Variants in MRAP2 observed in about 807,000 individuals in gnomAD.
MRAP2 encodes melanocortin 2 receptor accessory protein 2, also known as melanocortin-2 receptor accessory protein 2.
Under a neutral mutation model 17.4 loss-of-function variants are expected in MRAP2, and 20 were observed. The observed-to-expected ratio is 1.15, with a 90% CI of 0.81 to 1.67. The LOEUF (loss-of-function observed/expected upper bound fraction) is 1.67. Among genes scored for constraint, MRAP2 ranks in the 40% most tolerant of loss-of-function variants. The probability of loss-of-function intolerance (pLI) is 0.00; values close to 1 mark genes in which losing one functional copy is unlikely to be tolerated. For missense variants in MRAP2, 238 were observed against 240.0 expected (o/e 0.99, Z 0.05); for synonymous variants, 96 against 88.4 (o/e 1.09, Z -0.48).
chr6:84,107,388 TCA>T, the MRAP2 span, among the ~76,000 whole-genome samples: 2 of 152,178 alleles, frequency 1.3e-5, no homozygotes, highest in African/African-American at 2.4e-5. Context: ...CCTAGAAATT[TCA>T]GTGAGGTAGA....
At chr6:84,129,536 T>A in the MRAP2 span, among the ~76,000 whole-genome samples, 1 of 152,182 alleles carries the variant, frequency 6.6e-6, no homozygotes. Flanking sequence ...TGGGGATGTT[T>A]TTTTTCTTGT....
intron 1 of MRAP2, among the ~76,000 whole-genome samples, chr6:84,051,397 A>T (rs2099490372): frequency 6.6e-6 from 1 of 152,200 alleles, no homozygotes; most frequent in Admixed American, 6.5e-5. Flanking sequence ...TCTACACCAA[A>T]AATACAAAAA....
chr6:84,048,261 C>T lies in MRAP2; in HGVS notation c.-7-7051C>T, dbSNP rs187376957. 4.1e-3 allele frequency among the ~76,000 whole-genome samples: 632 copies of T among 152,292 alleles called. 3 individuals are homozygous for T. The highest frequency in any genetic ancestry group is 5.6e-3 in the Non-Finnish European group (381 of 68,036). ...GCAGTGCACAAGGGTTCCAGTTTCTCTATACCCTCACCAACACTTATTTTC... is the reference window on the plus strand; with the variant it reads ...GCAGTGCACAAGGGTTCCAGTTTCTTTATACCCTCACCAACACTTATTTTC... On this transcript the variant is annotated intron_variant, in intron 1 of 3. Coordinates refer to ENST00000257776, the MANE Select transcript of MRAP2 (RefSeq NM_138409.4).
chr6:84,073,340 A>G (rs1397247357), intron 3 of MRAP2, among the ~76,000 whole-genome samples: 1 of 152,202 alleles, frequency 6.6e-6, no homozygotes, highest in African/African-American at 2.4e-5. Flanking sequence ...TTCTCCCACA[A>G]AGAGACTTTC....
chr6:84,066,765 C>A (rs564719774), intron 3 of MRAP2, among the ~76,000 whole-genome samples: 5 of 152,188 alleles, frequency 3.3e-5, no homozygotes, highest in Non-Finnish European at 5.9e-5. Context: ...AGAGTCAAAC[C>A]TCAAACTAAA....
the MRAP2 span, among the ~76,000 whole-genome samples, chr6:84,129,135 A>G: frequency 0.087 from 13,187 of 152,198 alleles, 1,471 homozygotes; most frequent in African/African-American, 0.26. Context: ...TATTGTGAAT[A>G]GTGCCACAAT....
intron 1 of MRAP2, among the ~76,000 whole-genome samples, chr6:84,034,205 A>G (rs1309242833): frequency 2.0e-5 from 3 of 151,966 alleles, no homozygotes; most frequent in Admixed American, 1.3e-4. Flanking sequence ...GCTGGGCCCC[A>G]GCGGCCGAGG....
In MRAP2 at chr6:84,072,999, C is replaced by G. The variant is rs544812994; in HGVS notation, c.227+10007C>G. Among the ~76,000 whole-genome samples the G allele has an allele frequency of 2.6e-5, 4 of 152,300 alleles. No individual in the cohort carries two copies. In the East Asian group the frequency reaches 5.8e-4, roughly 22 times the overall value. ...TTGAGAACTTGCCCCAGGCTACCCT[C>G]CCCGCAGCTGCAAAAGAAAAGGGCT... On this transcript the variant is annotated intron_variant, in intron 3 of 3. Transcript: ENST00000257776.
chr6:84,136,413 C>T, the MRAP2 span, among the ~76,000 whole-genome samples: 8 of 152,282 alleles, frequency 5.3e-5, no homozygotes, highest in South Asian at 1.0e-3. Context: ...GGAATGAGAA[C>T]CACTGAACTT....
the MRAP2 span, among the ~76,000 whole-genome samples, chr6:84,113,014 A>G: frequency 6.6e-6 from 1 of 152,136 alleles, no homozygotes; most frequent in East Asian, 1.9e-4. Context: ...TTTACTTCCA[A>G]TTATGTGGTC....
At chr6:84,097,106 G>A in the MRAP2 span, among the ~76,000 whole-genome samples, 1 of 152,150 alleles carries the variant, frequency 6.6e-6, no homozygotes, top group Non-Finnish European at 1.5e-5. Flanking sequence ...CCCATTTCAT[G>A]CAGTGAAAAA....
chr6:84,095,435 A>C (rs1484042890), downstream of MRAP2, among the ~76,000 whole-genome samples: 1 of 152,208 alleles, frequency 6.6e-6, no homozygotes, highest in Non-Finnish European at 1.5e-5. Flanking sequence ...ATGATCAAAG[A>C]GTATATTGCA....
At chr6:84,043,273 T>C (rs1450879503) in intron 1 of MRAP2, among the ~76,000 whole-genome samples, 1 of 152,222 alleles carries the variant, frequency 6.6e-6, no homozygotes, top group Non-Finnish European at 1.5e-5. Context: ...GTATGAGGAC[T>C]CAGTGAGAGG....
At chr6:84,035,105 G>A (rs748252274) in intron 1 of MRAP2, among the ~76,000 whole-genome samples, 58 of 152,180 alleles carry the variant, frequency 3.8e-4, no homozygotes, top group Non-Finnish European at 6.8e-4. Flanking sequence ...ATAGGAAAAG[G>A]AAGAGTTGCT....
At chr6:84,063,636 TG>T (rs2129167821) in intron 3 of MRAP2, among the ~76,000 whole-genome samples, 1 of 152,346 alleles carries the variant, frequency 6.6e-6, no homozygotes, top group Admixed American at 6.5e-5. Context: ...AGTAATGGCT[TG>T]TAAAAAATTC....
At chr6:84,096,617 T>C in the MRAP2 span, among the ~76,000 whole-genome samples, 2 of 152,198 alleles carry the variant, frequency 1.3e-5, no homozygotes, top group Admixed American at 1.3e-4. Context: ...CCTGAAAAGA[T>C]TTATTGTAGG....
At chr6:84,114,201 A>T in the MRAP2 span, among the ~76,000 whole-genome samples, 2 of 151,792 alleles carry the variant, frequency 1.3e-5, no homozygotes, top group Non-Finnish European at 2.9e-5. Flanking sequence ...TCTCCCCCTC[A>T]CTTCAGGTAC....
At chr6:84,113,998 C>T in the MRAP2 span, among the ~76,000 whole-genome samples, 25 of 152,308 alleles carry the variant, frequency 1.6e-4, no homozygotes, top group East Asian at 4.6e-3. Flanking sequence ...TTCTCTCTTG[C>T]TGCCTTTAAC....
the MRAP2 span, among the ~76,000 whole-genome samples, chr6:84,130,644 T>C: frequency 3.9e-5 from 6 of 152,196 alleles, no homozygotes; most frequent in Non-Finnish European, 7.3e-5. Flanking sequence ...TTTATTTGCA[T>C]AGAGGTGTTT....
Sources: gnomAD v4.1 joint callset for allele counts (sites outside exome capture counted in the v4.1 genomes callset) on GRCh38, gnomAD v4.1.1 for gene constraint, MANE v1.5 for transcripts, NCBI Gene and HGNC (gene_info 2026-07-23, HGNC 2026-07-21) for gene names.